Variants in MDGA2 observed in about 807,000 individuals in gnomAD.
MDGA2 encodes the protein MAM domain-containing glycosylphosphatidylinositol anchor protein 2.
Under a neutral mutation model 117.8 loss-of-function variants are expected in MDGA2, and 40 were observed. That is an observed-to-expected ratio of 0.34 (90% CI 0.26 to 0.44). The LOEUF is 0.44. Ranked by LOEUF, MDGA2 falls within the 20% of genes least tolerant of loss-of-function variation. The probability of loss-of-function intolerance (pLI) is 1.00; values close to 1 mark genes in which losing one functional copy is unlikely to be tolerated. For synonymous variants in MDGA2, 452 were observed against 439.0 expected (o/e 1.03, Z -0.37); for missense variants, 1,123 against 1,250.6 (o/e 0.90, Z 1.54).
At chr14:47,045,909 G>A (rs1053676261) in intron 7 of MDGA2, among the ~76,000 whole-genome samples, 5 of 151,414 alleles carry the variant, frequency 3.3e-5, no homozygotes, top group Non-Finnish European at 5.9e-5. Flanking sequence ...ATGTTGCAAT[G>A]AGCCGAGATT....
intron 7 of MDGA2, among the ~76,000 whole-genome samples, chr14:47,045,567 TGTTA>T (rs1889227864): frequency 6.6e-6 from 1 of 152,162 alleles, no homozygotes; most frequent in Admixed American, 6.5e-5. Context: ...TATTTCAGCT[TGTTA>T]AAGAATTATG....
At chr14:47,058,079 C>T (rs974585849) in intron 7 of MDGA2, among the ~76,000 whole-genome samples, 1 of 151,994 alleles carries the variant, frequency 6.6e-6, no homozygotes, top group African/African-American at 2.4e-5. Context: ...GATTTTCTGT[C>T]TCAGGTAAAA....
chr14:47,513,205 A>G (rs531138298), intron 1 of MDGA2, among the ~76,000 whole-genome samples: 1 of 152,286 alleles, frequency 6.6e-6, no homozygotes, highest in Admixed American at 6.5e-5. Flanking sequence ...AATAGGAACT[A>G]TTACAAATTA....
At chr14:47,414,255 G>A (rs1892431034) in intron 1 of MDGA2, among the ~76,000 whole-genome samples, 1 of 152,092 alleles carries the variant, frequency 6.6e-6, no homozygotes, top group Non-Finnish European at 1.5e-5. Flanking sequence ...CTAGAAATAA[G>A]CAGCACCTTG....
intron 6 of MDGA2, among the ~76,000 whole-genome samples, chr14:47,078,531 C>A (rs947978587): frequency 6.6e-6 from 1 of 152,000 alleles, no homozygotes; most frequent in South Asian, 2.1e-4. Context: ...AATATAAATC[C>A]AATTTAGACA....
At chr14:47,163,948 C>T (rs1184403467) in intron 3 of MDGA2, among the ~76,000 whole-genome samples, 1 of 152,234 alleles carries the variant, frequency 6.6e-6, no homozygotes, top group Non-Finnish European at 1.5e-5. Context: ...CATGTCCTCA[C>T]TGGCTCGTGG....
Position 47,224,793 on chromosome 14 carries a change from T to A in MDGA2, c.421-6598A>T, listed in dbSNP as rs955148158. Among the ~76,000 whole-genome samples, 4 of 152,172 alleles carry A rather than the reference T, an allele frequency of 2.6e-5. No homozygotes were observed. In the East Asian group the frequency reaches 7.7e-4, roughly 29 times the overall value. ...CAAGAATATTAAGAACTATCAATGG[T>A]ACGTAATTATTAATAGGCAGAGTTT... On this transcript the variant is annotated intron_variant, in intron 2 of 16. Coordinates refer to ENST00000399232, the MANE Select transcript of MDGA2 (RefSeq NM_001113498.3).
chr14:47,512,265 ATAAG>A (rs1160069462), intron 1 of MDGA2, among the ~76,000 whole-genome samples: 1 of 152,198 alleles, frequency 6.6e-6, no homozygotes, highest in Non-Finnish European at 1.5e-5. Context: ...TTTAAATTAA[ATAAG>A]TGTCAGAATT....
chr14:47,674,007 C>G (rs1898125188), intron 1 of MDGA2, among the ~76,000 whole-genome samples: 1 of 151,494 alleles, frequency 6.6e-6, no homozygotes, highest in South Asian at 2.1e-4. Flanking sequence ...TGGTGCAGAA[C>G]GCAACTCAAC....
At chr14:47,281,914 G>C (rs767596508) in intron 2 of MDGA2, among the ~76,000 whole-genome samples, 2 of 151,806 alleles carry the variant, frequency 1.3e-5, no homozygotes, top group African/African-American at 4.8e-5. Flanking sequence ...AAAATTAGTC[G>C]GGTGTGGCGG....
At chr14:47,286,105 C>T (rs1384437880) in intron 2 of MDGA2, among the ~76,000 whole-genome samples, 2 of 151,638 alleles carry the variant, frequency 1.3e-5, no homozygotes, top group African/African-American at 4.8e-5. Flanking sequence ...TTTATGGATA[C>T]CTAATACTTT....
chr14:46,941,217 T>A (rs1317945571), intron 9 of MDGA2, among the ~76,000 whole-genome samples: 1 of 152,184 alleles, frequency 6.6e-6, no homozygotes, highest in African/African-American at 2.4e-5. Flanking sequence ...TACATTCTTT[T>A]AAAATAGACA....
intron 1 of MDGA2, among the ~76,000 whole-genome samples, chr14:47,516,518 C>T (rs1475195776): frequency 1.3e-5 from 2 of 152,116 alleles, no homozygotes; most frequent in Non-Finnish European, 2.9e-5. Flanking sequence ...GAGTTTGATT[C>T]AGGGATGAGT....
At chr14:47,360,161 G>A (rs1891085044) in intron 1 of MDGA2, among the ~76,000 whole-genome samples, 1 of 152,014 alleles carries the variant, frequency 6.6e-6, no homozygotes, top group Admixed American at 6.6e-5. Context: ...AGACCAGTCT[G>A]ACCAACATGG....
At chr14:47,351,940 A>ACACACACAC (rs1890893906) in intron 1 of MDGA2, among the ~76,000 whole-genome samples, 1 of 117,558 alleles carries the variant, frequency 8.5e-6, no homozygotes. Context: ...CACACACACA[A>ACACACACAC]ACATATATAT....
At chr14:47,591,811 C>A (rs1896444889) in intron 1 of MDGA2, among the ~76,000 whole-genome samples, 1 of 151,908 alleles carries the variant, frequency 6.6e-6, no homozygotes, top group South Asian at 2.1e-4. Context: ...ATATGACAAA[C>A]CCTCAGCCAA....
chr14:47,399,365 C>A (rs1180101297), intron 1 of MDGA2, among the ~76,000 whole-genome samples: 1 of 152,108 alleles, frequency 6.6e-6, no homozygotes, highest in African/African-American at 2.4e-5. Flanking sequence ...ATGGGAAAAG[C>A]AGGTACAGAA....
chr14:47,631,957 A>G lies in MDGA2; in HGVS notation c.280+42560T>C, dbSNP rs1315893502. On this transcript the variant is annotated intron_variant, in intron 1 of 16. Coordinates refer to ENST00000399232, the MANE Select transcript of MDGA2 (RefSeq NM_001113498.3). ...TTTTTTTTTTTTTAGCTCATCCGCT[A>G]TTGTTAGTGTTAGTGTATTTTATGT... 3.4e-5 allele frequency among the ~76,000 whole-genome samples: 5 copies of G among 149,182 alleles called. No individual in the cohort carries two copies. In the East Asian group the frequency reaches 7.8e-4, roughly 23 times the overall value.
At chr14:47,526,543 G>T (rs1195934917) in intron 1 of MDGA2, among the ~76,000 whole-genome samples, 7 of 152,104 alleles carry the variant, frequency 4.6e-5, no homozygotes, top group Non-Finnish European at 5.9e-5. Context: ...TCTCTCCCCA[G>T]GACGACTGGA....
Sources: allele counts gnomAD v4.1 joint callset (sites outside exome capture counted in the v4.1 genomes callset), GRCh38; gene constraint gnomAD v4.1.1; transcripts MANE v1.5; gene names NCBI Gene and HGNC (gene_info 2026-07-23, HGNC 2026-07-21).